Variants in STRADA observed in about 807,000 individuals in gnomAD.
The protein encoded by STRADA is STE20 related adaptor alpha.
A neutral mutation model predicts 55.0 loss-of-function variants in STRADA; 26 were observed. That is an observed-to-expected ratio of 0.47 (90% CI 0.35 to 0.66). The LOEUF is 0.66. STRADA is among the 30% of genes least tolerant of loss of function. STRADA has a pLI of 0.01. For synonymous variants in STRADA, 197 were observed against 210.9 expected, an observed-to-expected ratio of 0.93 and a Z score of 0.57; for missense variants, 443 against 549.7, an observed-to-expected ratio of 0.81 and a Z score of 1.94.
chr17:63,704,433 G>A lies in STRADA; in HGVS notation c.1008C>T (p.Asn336=), dbSNP rs200559640. ...GGTAGGGGTGGGAGGGCGAGTCACCGTTGGAGGGCCGGGGGGTGCTGGTGG... is the reference window on the plus strand; with the variant it reads ...GGTAGGGGTGGGAGGGCGAGTCACCATTGGAGGGCCGGGGGGTGCTGGTGG... ...SLTTSTPRPS[N]GDSPSHPYHR... is the part of the protein sequence containing the mutation. Residue 336 remains asparagine, a synonymous_variant, in exon 11 of 13, where the codon AAC becomes AAT. Coordinates refer to ENST00000336174, the MANE Select transcript of STRADA (RefSeq NM_001003787.4). The A allele has an allele frequency of 1.1e-5, 18 of 1,612,684 alleles. 1 individual carries two copies. The highest frequency in any genetic ancestry group is 1.1e-4 in the East Asian group (5 of 44,842).
At chr17:63,711,807 T>C (rs1206616565) in intron 6 of STRADA, among the ~76,000 whole-genome samples, 1 of 152,074 alleles carries the variant, frequency 6.6e-6, no homozygotes, top group Non-Finnish European at 1.5e-5. Context: ...TGGTGGTGCA[T>C]GCCTTTAGTC....
At chr17:63,727,263 G>A (rs557911014) in intron 2 of STRADA, 3 of 152,562 alleles carry the variant, frequency 2.0e-5, no homozygotes, top group African/African-American at 4.8e-5. Flanking sequence ...TATTTCAAAC[G>A]AGTATTAGAT....
intron 4 of STRADA, among the ~76,000 whole-genome samples, chr17:63,721,542 T>G (rs1369486330): frequency 6.7e-6 from 1 of 150,058 alleles, no homozygotes; most frequent in Non-Finnish European, 1.5e-5. Context: ...AGTGAAACCC[T>G]GTCTCTACTA....
At position 63,703,761 on chromosome 17, in the gene STRADA, AAG is replaced by A; in HGVS notation, c.1144-12_1144-11del. On this transcript the variant is annotated splice_polypyrimidine_tract_variant and intron_variant, in intron 12 of 12. Coordinates refer to ENST00000336174, the MANE Select transcript of STRADA (RefSeq NM_001003787.4). ...AGGCACGTCGCTTGATCTGGGGGAG[AAG>A]AGAGAGGTGGGTGACAGATCCTGTT... is the stretch of plus-strand genomic sequence containing the variant. 5 of 1,613,486 alleles carry A rather than the reference AAG, an allele frequency of 3.1e-6. No homozygotes were observed. Among genetic ancestry groups the A allele is most frequent in the Non-Finnish European group, 4.2e-6 (5 of 1,179,604 alleles).
intron 1 of STRADA, among the ~76,000 whole-genome samples, chr17:63,740,105 T>TATATATATATATATATATATATACAC (rs1354662253): frequency 1.8e-5 from 1 of 56,666 alleles, no homozygotes; most frequent in African/African-American, 1.2e-4. Flanking sequence ...TATATATATA[T>TATATATATATATATATATATATACAC]ATACATACAT....
At chr17:63,733,608 C>T (rs1443220109) in intron 1 of STRADA, among the ~76,000 whole-genome samples, 1 of 152,190 alleles carries the variant, frequency 6.6e-6, no homozygotes, top group African/African-American at 2.4e-5. Context: ...TTTAAAAAGT[C>T]TGCTTACGTG....
intron 1 of STRADA, among the ~76,000 whole-genome samples, chr17:63,739,764 G>GTATATATGTACATATAT (rs140641047): frequency 0.36 from 40,802 of 112,012 alleles, 11,234 homozygotes; most frequent in African/African-American, 0.71. Context: ...ATATATTTAT[G>GTATATATGTACATATAT]TATATATGTA....
rs182572570 is a variant in STRADA, at chr17:63,738,639, C to T, written c.-45+3102G>A. Among the ~76,000 whole-genome samples, 420 of 152,194 alleles carry T rather than the reference C, an allele frequency of 2.8e-3. 6 individuals carry two copies. The highest frequency in any genetic ancestry group is 9.8e-3 in the African/African-American group (408 of 41,552). ...TTGGGAGGCCAAGGCAGGCAGATCTCCTGAGCTCCGCAGTTCCACACTGCC... is the reference window on the plus strand; with the variant it reads ...TTGGGAGGCCAAGGCAGGCAGATCTTCTGAGCTCCGCAGTTCCACACTGCC... On this transcript the variant is annotated intron_variant, in intron 1 of 12. Coordinates refer to ENST00000336174, the MANE Select transcript of STRADA (RefSeq NM_001003787.4).
chr17:63,736,844 C>G (rs1346819174), intron 1 of STRADA, among the ~76,000 whole-genome samples: 10 of 139,586 alleles, frequency 7.2e-5, no homozygotes, highest in African/African-American at 1.1e-4. Flanking sequence ...CCACGCCCCC[C>G]CCACCAAAAA....
intron 6 of STRADA, chr17:63,712,432 A>C (rs182739428): frequency 6.6e-6 from 1 of 152,246 alleles, no homozygotes; most frequent in Non-Finnish European, 1.5e-5. Context: ...GAATGTCAGG[A>C]CTGGGCATAG....
chr17:63,717,946 T>C (rs2037011576), intron 4 of STRADA, among the ~76,000 whole-genome samples: 1 of 151,504 alleles, frequency 6.6e-6, no homozygotes, highest in African/African-American at 2.4e-5. Flanking sequence ...TTATTATTAT[T>C]ATTATTTGAG....
chr17:63,710,952 G>T, intron 6 of STRADA, 116 bp from the exon 7 acceptor site: 2 of 920,028 alleles, frequency 2.2e-6, no homozygotes, highest in Admixed American at 2.2e-5. Context: ...TGTTCTCAGA[G>T]TCATGGGAAC....
chr17:63,734,182 T>C (rs1189226934), intron 1 of STRADA, among the ~76,000 whole-genome samples: 1 of 152,244 alleles, frequency 6.6e-6, no homozygotes, highest in Non-Finnish European at 1.5e-5. Context: ...CTTACTCTAT[T>C]TGCCTCCAAT....
chr17:63,703,995 G>A lies in STRADA; in HGVS notation c.1143+10C>T, dbSNP rs2035892927. 6.2e-7 allele frequency: 1 copy of A among 1,614,006 alleles called. No individual in the cohort carries two copies. Among genetic ancestry groups the A allele is most frequent in the Non-Finnish European group, 8.5e-7 (1 of 1,179,948 alleles). On this transcript the variant is annotated intron_variant, in intron 12 of 12. Coordinates refer to ENST00000336174, the MANE Select transcript of STRADA (RefSeq NM_001003787.4). ...CTAGAACCAGAACCAGAACGAAGGG[G>A]CTACGATACCTGCTTGAAGAAAGAG... is the stretch of plus-strand genomic sequence containing the variant.
intron 1 of STRADA, chr17:63,737,319 A>C (rs188763712): frequency 1.9e-4 from 29 of 151,228 alleles, no homozygotes; most frequent in African/African-American, 5.6e-4. Flanking sequence ...AATCCACTTG[A>C]CCTTGAATGA....
At chr17:63,738,524 T>G (rs902957856) in intron 1 of STRADA, among the ~76,000 whole-genome samples, 3 of 152,072 alleles carry the variant, frequency 2.0e-5, no homozygotes, top group Non-Finnish European at 4.4e-5. Flanking sequence ...TTGTTTAGAA[T>G]TACAGAAGTC....
intron 1 of STRADA, among the ~76,000 whole-genome samples, chr17:63,739,736 TATAC>T (rs1221768268): frequency 6.8e-6 from 1 of 147,672 alleles, no homozygotes; most frequent in Non-Finnish European, 1.5e-5. Context: ...ATATATTATG[TATAC>T]ATATTGATAC....
chr17:63,733,434 CTTGT>C (rs1053718524), intron 1 of STRADA, among the ~76,000 whole-genome samples: 4 of 150,278 alleles, frequency 2.7e-5, no homozygotes, highest in East Asian at 1.9e-4. Flanking sequence ...CTTTTCTATT[CTTGT>C]TTATCTTATT....
intron 2 of STRADA, 86 bp downstream of exon 2, chr17:63,728,248 T>C (rs780458419): frequency 2.7e-5 from 37 of 1,394,662 alleles, no homozygotes; most frequent in Non-Finnish European, 3.5e-5. Context: ...GACCCTCACG[T>C]AGAAAACCAC....
Sources: allele counts gnomAD v4.1 joint callset (sites outside exome capture counted in the v4.1 genomes callset), GRCh38; gene constraint gnomAD v4.1.1; transcripts MANE v1.5; gene names NCBI Gene and HGNC (gene_info 2026-07-23, HGNC 2026-07-21).